Variants in DNMT3B observed in about 807,000 individuals in gnomAD.
DNMT3B encodes DNA methyltransferase 3 beta.
In DNMT3B, 37 loss-of-function variants were observed where a neutral mutation model predicts 120.2. That is an observed-to-expected ratio of 0.31 (90% CI 0.24 to 0.40). The LOEUF (loss-of-function observed/expected upper bound fraction) is 0.40. Among genes scored for constraint, DNMT3B ranks in the 10% least tolerant of loss-of-function variants. The pLI, the probability that DNMT3B is intolerant of heterozygous loss-of-function variation, is 1.00. For missense variants in DNMT3B, 878 were observed against 1,137.3 expected (o/e 0.77, Z 3.28); for synonymous variants, 412 against 442.8 (o/e 0.93, Z 0.87).
chr20:32,780,036 T>C lies in DNMT3B; in HGVS notation c.-6-282T>C, dbSNP rs557508006. 4.5e-6 allele frequency: 7 copies of C among 1,565,858 alleles called. No individual in the cohort carries two copies. In the African/African-American group the frequency reaches 9.5e-5, roughly 21 times the overall value. On this transcript the variant is annotated intron_variant, in intron 1 of 22. Transcript: ENST00000328111. ...GGGGCCGGCTAATTGCACAGAGCAG[T>C]CTGAGCCTGAGACCCCAGCCCTGGC...
intron 17 of DNMT3B, 101 bp from the exon 18 acceptor site, chr20:32,800,734 T>G: frequency 1.7e-5 from 22 of 1,320,090 alleles, no homozygotes; most frequent in Non-Finnish European, 2.3e-5. Context: ...GGATTACAGG[T>G]GTGAGCCACC....
At chr20:32,800,956 A>G (rs1375354664) in intron 18 of DNMT3B, 31 bp downstream of exon 18, 8 of 1,612,776 alleles carry the variant, frequency 5.0e-6, no homozygotes, top group Non-Finnish European at 6.8e-6. Flanking sequence ...CAGTCCCTGG[A>G]GAGCCTATGT....
chr20:32,797,342 A>T, intron 14 of DNMT3B, 43 bp downstream of exon 14: 1 of 1,585,066 alleles, frequency 6.3e-7, no homozygotes, highest in Admixed American at 1.7e-5. Flanking sequence ...TGGGCCCCCA[A>T]GGCTCCTACG....
intron 12 of DNMT3B, 27 bp downstream of exon 12, chr20:32,795,721 C>G (rs989808441): frequency 6.2e-7 from 1 of 1,613,656 alleles, no homozygotes; most frequent in African/African-American, 1.3e-5. Context: ...CCCAGTCATC[C>G]CCCTCACACC....
intron 22 of DNMT3B, among the ~76,000 whole-genome samples, chr20:32,806,643 C>A (rs984219521): frequency 6.6e-6 from 1 of 152,178 alleles, no homozygotes; most frequent in Admixed American, 6.5e-5. Flanking sequence ...AAGAAAACCC[C>A]ACAGACATGC....
chr20:32,790,702 T>TC (rs1979876005), intron 7 of DNMT3B, among the ~76,000 whole-genome samples: 1 of 152,010 alleles, frequency 6.6e-6, no homozygotes, highest in Admixed American at 6.6e-5. Context: ...GATGAGGTCC[T>TC]CACTGTCACC....
In DNMT3B at chr20:32,787,317, A is replaced by G. The variant is rs1369174968; in HGVS notation, c.520A>G (p.Thr174Ala). ...CCTTACCATCGACCTCACAGACGAC[A>G]CAGAGGACACACATGGGACGCCCCA... The part of the protein sequence containing the change: ...SYLTIDLTDD[T>A]EDTHGTPQSS... Residue 174 changes from threonine to alanine, a missense_variant, in exon 6 of 23, where the codon ACA (threonine) becomes GCA (alanine). Thr to Ala is a moderately conservative substitution (Grantham distance 58). Transcript: ENST00000328111. 2 of 1,614,212 alleles carry G rather than the reference A, an allele frequency of 1.2e-6. No homozygotes were observed. The highest frequency in any genetic ancestry group is 1.7e-6 in the Non-Finnish European group (2 of 1,180,036).
chr20:32,795,470 C>G lies in DNMT3B; in HGVS notation c.1188C>G (p.Pro396=). The change falls in exon 11 of 23, where the codon CCC becomes CCG. Residue 396 remains proline, a synonymous_variant. Coordinates refer to ENST00000328111, the MANE Select transcript of DNMT3B (RefSeq NM_006892.4). Reference sequence around the variant, plus strand: ...CCACCTCTGACTACTGCCCCGCACCCAAGCGCCTCAAGACAAATTGCTATA... The same window carrying G: ...CCACCTCTGACTACTGCCCCGCACCGAAGCGCCTCAAGACAAATTGCTATA... ...DSATSDYCPA[P]KRLKTNCYNN... is the part of the protein sequence containing the mutation. 1 of 1,614,194 alleles carries G rather than the reference C, an allele frequency of 6.2e-7. No homozygotes were observed. The highest frequency in any genetic ancestry group is 8.5e-7 in the Non-Finnish European group (1 of 1,180,040).
intron 10 of DNMT3B, 116 bp from the exon 11 acceptor site, chr20:32,795,289 GACCC>G: frequency 6.7e-7 from 1 of 1,494,754 alleles, no homozygotes; most frequent in South Asian, 1.1e-5. Flanking sequence ...ATTCAGTGTG[GACCC>G]CCTGTCATGC....
chr20:32,807,684 G>A lies in DNMT3B; in HGVS notation c.2421-78G>A, dbSNP rs1482913694. Reference sequence around the variant, plus strand: ...CTGAGGGATGGCGAGGGCAGAAAGAGTGGGACCTGGCTGGTTGAGGCTGTC... The same window carrying A: ...CTGAGGGATGGCGAGGGCAGAAAGAATGGGACCTGGCTGGTTGAGGCTGTC... On this transcript the variant is annotated intron_variant, in intron 22 of 22. Coordinates refer to ENST00000328111, the MANE Select transcript of DNMT3B (RefSeq NM_006892.4). 16 of 1,604,260 alleles carry A rather than the reference G, an allele frequency of 1.0e-5. No individual in the cohort carries two copies. The Admixed American group carries it at 1.8e-4, about 18-fold the overall frequency.
At chr20:32,796,321 T>C (rs183637536) in intron 12 of DNMT3B, among the ~76,000 whole-genome samples, 1 of 152,300 alleles carries the variant, frequency 6.6e-6, no homozygotes, top group African/African-American at 2.4e-5. Flanking sequence ...CAGCCAGGGA[T>C]GCAACTCCAT....
chr20:32,795,547 T>G lies in DNMT3B; in HGVS notation c.1252+13T>G, dbSNP rs910085. On this transcript the variant is annotated intron_variant, in intron 11 of 22. Coordinates refer to ENST00000328111, the MANE Select transcript of DNMT3B (RefSeq NM_006892.4). ...GATCAGAGCCGAGGTGATTGTTGGGTACCTGGGATCATGGGACAGATGGGA... is the reference window on the plus strand; with the variant it reads ...GATCAGAGCCGAGGTGATTGTTGGGGACCTGGGATCATGGGACAGATGGGA... 685,709 of 1,613,894 alleles carry G rather than the reference T, an allele frequency of 0.42. 156,057 individuals carry two copies. Among genetic ancestry groups the G allele is most frequent in the East Asian group, 0.91 (41,043 of 44,872 alleles).
chr20:32,799,206 G>C, intron 15 of DNMT3B, 38 bp from the exon 16 acceptor site: 1 of 1,592,306 alleles, frequency 6.3e-7, no homozygotes. Context: ...TCTTTGCCCT[G>C]TGCCTTCACC....
In DNMT3B at chr20:32,805,383, C is replaced by T. The variant is rs1484529764; in HGVS notation, c.2277C>T (p.Cys759=). The T allele has an allele frequency of 6.2e-7, 1 of 1,614,096 alleles. No homozygotes were observed. Among genetic ancestry groups the T allele is most frequent in the Non-Finnish European group, 8.5e-7 (1 of 1,180,008 alleles). Reference sequence around the variant, plus strand: ...ATGATAAACTCGAGCTGCAGGACTGCTTGGAATACAATAGGATAGCCAAGG... The same window carrying T: ...ATGATAAACTCGAGCTGCAGGACTGTTTGGAATACAATAGGATAGCCAAGG... The part of the protein sequence containing the change: ...SKNDKLELQD[C]LEYNRIAKLK... Residue 759 remains cysteine, a synonymous_variant, in exon 21 of 23, where the codon TGC becomes TGT. Transcript: ENST00000328111.
intron 17 of DNMT3B, 52 bp downstream of exon 17, chr20:32,800,350 A>G (rs1981180721): frequency 6.2e-7 from 1 of 1,612,320 alleles, no homozygotes. Flanking sequence ...CTTTTTCCCC[A>G]GTCCTCCACA....
At chr20:32,796,901 C>T (rs1239266264) in intron 13 of DNMT3B, 32 bp downstream of exon 13, 1 of 1,614,200 alleles carries the variant, frequency 6.2e-7, no homozygotes, top group Admixed American at 1.7e-5. Context: ...CTGGACCTTC[C>T]TCCCCTTGCC....
intron 1 of DNMT3B, among the ~76,000 whole-genome samples, chr20:32,778,441 C>A (rs941955409): frequency 2.0e-5 from 3 of 152,166 alleles, no homozygotes; most frequent in African/African-American, 7.2e-5. Context: ...GCTCCCACTT[C>A]CAACAGTTCT....
chr20:32,768,023 G>A (rs1467838447), intron 1 of DNMT3B, among the ~76,000 whole-genome samples: 1 of 151,946 alleles, frequency 6.6e-6, no homozygotes, highest in African/African-American at 2.4e-5. Context: ...ACAGTGATGG[G>A]CCCTGGCAGC....
At chr20:32,780,205 A>G in intron 1 of DNMT3B, 113 bp from the exon 2 acceptor site, 1 of 1,613,034 alleles carries the variant, frequency 6.2e-7, no homozygotes, top group South Asian at 1.1e-5. Context: ...GCATCACCCT[A>G]AGAATGCATC....
Sources: gnomAD v4.1 joint callset for allele counts (sites outside exome capture counted in the v4.1 genomes callset) on GRCh38, gnomAD v4.1.1 for gene constraint, MANE v1.5 for transcripts, NCBI Gene and HGNC (gene_info 2026-07-23, HGNC 2026-07-21) for gene names.